Variants in ARHGAP21 observed in about 807,000 individuals in gnomAD.
ARHGAP21 encodes Rho GTPase activating protein 21.
In ARHGAP21, 38 loss-of-function variants were observed where a neutral mutation model predicts 164.6. That is an observed-to-expected ratio of 0.23 (90% CI 0.18 to 0.30). The LOEUF (loss-of-function observed/expected upper bound fraction) is 0.30, where lower values mean the gene tolerates loss of function less well. Among genes scored for constraint, ARHGAP21 ranks in the 10% least tolerant of loss-of-function variants. The pLI, the probability that ARHGAP21 is intolerant of heterozygous loss-of-function variation, is 1.00. For synonymous variants in ARHGAP21, 766 were observed against 857.9 expected (o/e 0.89, Z 1.87); for missense variants, 1,822 against 2,370.7 (o/e 0.77, Z 4.81).
chr10:24,699,410 C>T (rs1358447734), intron 2 of ARHGAP21, among the ~76,000 whole-genome samples: 1 of 151,974 alleles, frequency 6.6e-6, no homozygotes, highest in Admixed American at 6.6e-5. Context: ...TTGCAACCTC[C>T]ACCTCCCAGG....
rs541441790 is a variant in ARHGAP21 at position 24,592,582 on chromosome 10, T to C, written c.3877-570A>G. 5.0e-4 allele frequency among the ~76,000 whole-genome samples: 76 copies of C among 151,942 alleles called. 1 individual carries two copies. Among genetic ancestry groups the C allele is most frequent in the African/African-American group, 1.2e-3 (50 of 41,488 alleles). ...CAGCACTTTGGGGGACCGAGTCAGG[T>C]GGACTGCTTGAGCCCAGGAGTTCAA... On this transcript the variant is annotated intron_variant, in intron 21 of 25. Coordinates refer to ENST00000396432, the MANE Select transcript of ARHGAP21 (RefSeq NM_020824.4).
At chr10:24,713,932 G>T (rs572802227) in intron 2 of ARHGAP21, among the ~76,000 whole-genome samples, 1 of 152,184 alleles carries the variant, frequency 6.6e-6, no homozygotes, top group Non-Finnish European at 1.5e-5. Context: ...CTATTTTAGT[G>T]AAAGCAATCC....
intron 21 of ARHGAP21, among the ~76,000 whole-genome samples, chr10:24,592,548 C>G (rs1367361575): frequency 6.6e-6 from 1 of 151,970 alleles, no homozygotes; most frequent in Non-Finnish European, 1.5e-5. Context: ...ACAGGCACAC[C>G]TGTAGTCCCA....
intron 15 of ARHGAP21, 41 bp downstream of exon 15, chr10:24,597,904 T>G (rs1427823206): frequency 8.8e-6 from 14 of 1,582,666 alleles, no homozygotes; most frequent in Middle Eastern, 3.4e-4. Context: ...ACTGTACTGA[T>G]TTTATATCCA....
At chr10:24,590,798 C>T in intron 24 of ARHGAP21, 3 of 985,310 alleles carry the variant, frequency 3.0e-6, no homozygotes, top group Non-Finnish European at 3.6e-6. Flanking sequence ...ATTTAACTTG[C>T]TGCTTTTAAA....
intron 7 of ARHGAP21, chr10:24,628,886 TATATATACATAC>T (rs1200670281): frequency 9.9e-6 from 1 of 101,158 alleles, no homozygotes; most frequent in East Asian, 2.4e-4. Flanking sequence ...TATATACACA[TATATATACATAC>T]ATATATACAC....
intron 4 of ARHGAP21, among the ~76,000 whole-genome samples, chr10:24,653,164 C>A (rs1366187609): frequency 1.3e-5 from 2 of 152,176 alleles, no homozygotes; most frequent in Non-Finnish European, 2.9e-5. Flanking sequence ...TAACCACTAC[C>A]ATAACCATGA....
chr10:24,706,989 C>G (rs574281472), intron 2 of ARHGAP21, among the ~76,000 whole-genome samples: 3 of 152,186 alleles, frequency 2.0e-5, no homozygotes, highest in Non-Finnish European at 4.4e-5. Flanking sequence ...CAAGGCTGTG[C>G]CATCATCAAT....
chr10:24,700,804 CTT>C (rs1843605300), intron 2 of ARHGAP21, among the ~76,000 whole-genome samples: 1 of 152,170 alleles, frequency 6.6e-6, no homozygotes, highest in Non-Finnish European at 1.5e-5. Flanking sequence ...CTTTAACTCT[CTT>C]TTGGCCATTG....
At chr10:24,706,149 C>T (rs905659022) in intron 2 of ARHGAP21, among the ~76,000 whole-genome samples, 1 of 152,180 alleles carries the variant, frequency 6.6e-6, no homozygotes, top group Non-Finnish European at 1.5e-5. Context: ...ATCTTGCCTA[C>T]TTTCTAATAA....
chr10:24,617,595 G>A (rs546053175), intron 9 of ARHGAP21, among the ~76,000 whole-genome samples: 1 of 151,988 alleles, frequency 6.6e-6, no homozygotes, highest in Admixed American at 6.5e-5. Flanking sequence ...TTGACAACTT[G>A]AATATATCCG....
chr10:24,693,257 A>C (rs1345674272), intron 2 of ARHGAP21, among the ~76,000 whole-genome samples: 1 of 152,254 alleles, frequency 6.6e-6, no homozygotes, highest in Admixed American at 6.5e-5. Context: ...CATTTACAAA[A>C]ACAAACATGA....
intron 2 of ARHGAP21, among the ~76,000 whole-genome samples, chr10:24,678,692 G>C (rs1207106935): frequency 6.6e-6 from 1 of 151,872 alleles, no homozygotes; most frequent in Non-Finnish European, 1.5e-5. Context: ...GAGGGTTTTT[G>C]TTTGTTTGTT....
chr10:24,591,140 C>A (rs1290690158), intron 24 of ARHGAP21, 85 bp downstream of exon 24: 3 of 1,181,950 alleles, frequency 2.5e-6, no homozygotes, highest in Admixed American at 2.3e-5. Flanking sequence ...TCATAAGTAA[C>A]AATTCACTAT....
chr10:24,610,444 C>T (rs921378234), intron 9 of ARHGAP21, among the ~76,000 whole-genome samples: 8 of 150,384 alleles, frequency 5.3e-5, no homozygotes, highest in East Asian at 1.9e-4. Flanking sequence ...ATAAAAAGAA[C>T]GGTGAAGGAC....
chr10:24,585,858 G>A lies in ARHGAP21; in HGVS notation c.4431C>T (p.Asn1477=), dbSNP rs897652746. 12 of 1,613,810 alleles carry A rather than the reference G, an allele frequency of 7.4e-6. No homozygotes were observed. The highest frequency in any genetic ancestry group is 1.3e-5 in the African/African-American group (1 of 74,892). ...TCGTGCTGGGGTCTTTCCTAGTGCT[G>A]TTTTCTTTGGCAATGATGATCTTCT... ...RKQKIIIAKE[N]STRKDPSTTK... is the part of the protein sequence containing the mutation. Residue 1477 remains asparagine, a synonymous_variant, in exon 26 of 26, where the codon AAC becomes AAT. Transcript: ENST00000396432.
At position 24,595,720 on chromosome 10, in the gene ARHGAP21, T is replaced by TTG; in HGVS notation, c.3707_3708dup (p.Asn1237GlnfsTer18). 6.2e-7 allele frequency: 1 copy of TTG among 1,611,868 alleles called. No homozygotes were observed. The highest frequency in any genetic ancestry group is 8.5e-7 in the Non-Finnish European group (1 of 1,178,628). On this transcript the variant is annotated frameshift_variant, in exon 19 of 26. Transcript: ENST00000396432. LOFTEE classifies it high-confidence loss of function. ...TCTTTCACGGGAGTTAACTCACCAT[T>TTG]TGTGAAGAGAGGCTCAGGGAGTTTT...
At position 24,721,821 on chromosome 10, in the gene ARHGAP21, C is replaced by G. The variant is rs1464598823; in HGVS notation, c.63+16G>C. 3 of 1,613,936 alleles carry G rather than the reference C, an allele frequency of 1.9e-6. No individual in the cohort carries two copies. The African/African-American group carries it at 4.0e-5, about 22-fold the overall frequency. ...GCCACCGCCCTGCCGGCCAGGAACG[C>G]TGGCTCCGCGCTTACCTCGCAGGCC... On this transcript the variant is annotated intron_variant, in intron 2 of 25. Coordinates refer to ENST00000396432, the MANE Select transcript of ARHGAP21 (RefSeq NM_020824.4).
chr10:24,608,827 T>C (rs113364633), intron 9 of ARHGAP21, among the ~76,000 whole-genome samples: 2 of 152,190 alleles, frequency 1.3e-5, no homozygotes, highest in African/African-American at 4.8e-5. Context: ...TGAAAATTTC[T>C]CTATGCACCA....
Sources: allele counts gnomAD v4.1 joint callset (sites outside exome capture counted in the v4.1 genomes callset), GRCh38; gene constraint gnomAD v4.1.1; transcripts MANE v1.5; gene names NCBI Gene and HGNC (gene_info 2026-07-23, HGNC 2026-07-21).